Variants in CDH11 observed in about 807,000 individuals in gnomAD.
CDH11 encodes the protein cadherin 11.
CDH11 carries 11 observed loss-of-function variants against 67.8 expected under a neutral mutation model. The observed-to-expected ratio is 0.16, with a 90% CI of 0.10 to 0.27. The LOEUF (loss-of-function observed/expected upper bound fraction) is 0.27. Among genes scored for constraint, CDH11 ranks in the 10% least tolerant of loss-of-function variants. CDH11 has a pLI of 1.00. For synonymous variants in CDH11, 419 were observed against 400.0 expected, an observed-to-expected ratio of 1.05 and a Z score of -0.57; for missense variants, 847 against 1,031.2, an observed-to-expected ratio of 0.82 and a Z score of 2.45.
At chr16:65,021,119 G>T (rs2073414179) in intron 2 of CDH11, among the ~76,000 whole-genome samples, 2 of 152,190 alleles carry the variant, frequency 1.3e-5, no homozygotes, top group East Asian at 1.9e-4. Flanking sequence ...ATCCAAAAGT[G>T]CAAAGAGCAG....
chr16:65,014,018 C>T (rs1194149086), intron 2 of CDH11, among the ~76,000 whole-genome samples: 1 of 152,124 alleles, frequency 6.6e-6, no homozygotes, highest in African/African-American at 2.4e-5. Context: ...ATGGCCTGGT[C>T]CACAGCAGGT....
intron 6 of CDH11, 40 bp from the exon 7 acceptor site, chr16:64,988,384 T>A: frequency 6.5e-7 from 1 of 1,530,210 alleles, no homozygotes; most frequent in Non-Finnish European, 8.9e-7. Context: ...TCTCTTTTAT[T>A]TGGCAGCTGT....
intron 1 of CDH11, among the ~76,000 whole-genome samples, chr16:65,069,867 C>T (rs1005009221): frequency 3.3e-5 from 5 of 152,136 alleles, no homozygotes; most frequent in African/African-American, 4.8e-5. Context: ...CCAATTGCAC[C>T]ATAGGACTGT....
At chr16:65,076,097 T>C (rs1368979327) in intron 1 of CDH11, among the ~76,000 whole-genome samples, 1 of 152,180 alleles carries the variant, frequency 6.6e-6, no homozygotes, top group African/African-American at 2.4e-5. Context: ...ACCTGTGCCT[T>C]GAGAGTTTGC....
chr16:65,026,706 C>T (rs2073541810), intron 2 of CDH11, among the ~76,000 whole-genome samples: 1 of 152,134 alleles, frequency 6.6e-6, no homozygotes, highest in African/African-American at 2.4e-5. Context: ...CTTAGGGGAA[C>T]ATCTCCCATT....
chr16:65,092,929 A>G (rs969076777), intron 1 of CDH11, among the ~76,000 whole-genome samples: 1 of 151,188 alleles, frequency 6.6e-6, no homozygotes, highest in Non-Finnish European at 1.5e-5. Flanking sequence ...CAAAACTACA[A>G]GTTTGTCTCC....
rs550021375 is a variant in CDH11, at chr16:65,121,469, G to A, written c.-298+411C>T. 2.6e-5 allele frequency among the ~76,000 whole-genome samples: 4 copies of A among 152,288 alleles called. No individual in the cohort carries two copies. In the East Asian group the frequency reaches 7.8e-4, roughly 30 times the overall value. On this transcript the variant is annotated intron_variant, in intron 1 of 12. Coordinates refer to ENST00000268603, the MANE Select transcript of CDH11 (RefSeq NM_001797.4). The surrounding 1 kb of genome is among the most constrained non-coding windows in gnomAD (Gnocchi z 4.1). ...CGCTTTGGGGAAGCGGCGCAGGGCT[G>A]GCGGGCACCGCGCCGTGGGCGACTT...
At chr16:64,984,677 G>A (rs2072441914) in intron 7 of CDH11, 1 of 152,194 alleles carries the variant, frequency 6.6e-6, no homozygotes, top group Non-Finnish European at 1.5e-5. Flanking sequence ...CTGTGGAAAT[G>A]TACACACAAA....
At chr16:64,948,637 A>C in intron 12 of CDH11, 1 of 1,612,090 alleles carries the variant, frequency 6.2e-7, no homozygotes, top group Non-Finnish European at 8.5e-7. Context: ...CTCTGTAGCC[A>C]CCACATAGAG....
chr16:65,023,446 C>G (rs563386012), intron 2 of CDH11, among the ~76,000 whole-genome samples: 2 of 152,186 alleles, frequency 1.3e-5, no homozygotes, highest in African/African-American at 2.4e-5. Context: ...AGGTTCAGCC[C>G]GGGAAGCCAC....
chr16:65,019,447 AC>A, intron 2 of CDH11, among the ~76,000 whole-genome samples: 1 of 152,204 alleles, frequency 6.6e-6, no homozygotes. Flanking sequence ...CAAAAGACAA[AC>A]ATAAGTCTCT....
chr16:64,979,333 G>C (rs886923949), intron 8 of CDH11, among the ~76,000 whole-genome samples: 8 of 152,152 alleles, frequency 5.3e-5, no homozygotes, highest in Non-Finnish European at 1.2e-4. Flanking sequence ...TGTAGTCCCA[G>C]CTACTTGGGG....
intron 1 of CDH11, among the ~76,000 whole-genome samples, chr16:65,054,266 G>A (rs2074107727): frequency 6.6e-6 from 1 of 152,192 alleles, no homozygotes; most frequent in Non-Finnish European, 1.5e-5. Flanking sequence ...GGGAAGGTAT[G>A]AAAACTTAGA....
chr16:64,954,633 C>A (rs1463054191), intron 11 of CDH11, among the ~76,000 whole-genome samples: 1 of 152,134 alleles, frequency 6.6e-6, no homozygotes, highest in Non-Finnish European at 1.5e-5. Flanking sequence ...TGTCTAGCAG[C>A]CTGGTTTGGC....
chr16:65,121,948 T>TCAGTCCCGGCCC lies in CDH11; in HGVS notation c.-378_-367dup, dbSNP rs1292994082. ...CTGGCGCAGGGCAAGCGCTGCGGTG[T>TCAGTCCCGGCCC]CAGTCCCGGCCCCAGTCCCGGTCCC... On this transcript the variant is annotated 5_prime_UTR_variant, in exon 1 of 13. Transcript: ENST00000268603. This position sits in a 1 kb window ranked among gnomAD's most constrained non-coding sequence, Gnocchi z 4.1. The TCAGTCCCGGCCC allele has an allele frequency of 4.3e-6, 3 of 701,624 alleles. No homozygotes were observed. Among genetic ancestry groups the TCAGTCCCGGCCC allele is most frequent in the Non-Finnish European group, 7.8e-6 (3 of 384,554 alleles). The allele number at this position is 701,624 out of a possible 1,614,324, so 43.5% of individuals were successfully genotyped here.
intron 2 of CDH11, among the ~76,000 whole-genome samples, chr16:65,022,980 G>C (rs1271002529): frequency 1.3e-5 from 2 of 152,144 alleles, no homozygotes; most frequent in African/African-American, 4.8e-5. Context: ...ATGGCCCAAA[G>C]AGCCAAAGCA....
intron 2 of CDH11, among the ~76,000 whole-genome samples, chr16:65,035,558 T>C (rs967322146): frequency 6.6e-6 from 1 of 152,182 alleles, no homozygotes; most frequent in Non-Finnish European, 1.5e-5. Flanking sequence ...AGTTTATAGC[T>C]ATATACTTAA....
At chr16:65,123,498 T>C (rs1398243578), upstream of CDH11, among the ~76,000 whole-genome samples, 1 of 152,014 alleles carries the variant, frequency 6.6e-6, no homozygotes, top group East Asian at 2.0e-4. Flanking sequence ...CTTGGGATCC[T>C]GAGCGCATGG....
At chr16:64,982,997 C>G (rs966910346) in intron 7 of CDH11, 2 of 152,172 alleles carry the variant, frequency 1.3e-5, no homozygotes, top group Admixed American at 1.3e-4. Flanking sequence ...TTCACAATCT[C>G]TTTTGTGAGA....
Sources: allele counts gnomAD v4.1 joint callset (sites outside exome capture counted in the v4.1 genomes callset), GRCh38; gene constraint gnomAD v4.1.1; non-coding constraint Gnocchi (gnomAD v3.1); transcripts MANE v1.5; gene names NCBI Gene and HGNC (gene_info 2026-07-23, HGNC 2026-07-21).